The following ZNF761 variants were observed in gnomAD, a reference collection of about 807,000 sequenced individuals.
ZNF761 encodes zinc finger protein 761.
In ZNF761, 43 loss-of-function variants were observed where a neutral mutation model predicts 59.9. The ratio of observed to expected loss-of-function variants is 0.72; its 90% CI spans 0.56 to 0.92. ZNF761 has a LOEUF of 0.92. ZNF761 is among the 40% of genes least tolerant of loss of function. The probability of loss-of-function intolerance (pLI) is 0.00; values close to 1 mark genes in which losing one functional copy is unlikely to be tolerated. For missense variants in ZNF761, 850 were observed against 906.1 expected, an observed-to-expected ratio of 0.94 and a Z score of 0.79; for synonymous variants, 294 against 304.8, an observed-to-expected ratio of 0.96 and a Z score of 0.37.
intron 1 of ZNF761, among the ~76,000 whole-genome samples, chr19:53,438,174 T>G (rs2086062250): frequency 7.0e-6 from 1 of 143,768 alleles, no homozygotes; most frequent in African/African-American, 2.6e-5. Flanking sequence ...GTGTAAGGGT[T>G]TTCACATAGA....
intron 3 of ZNF761, among the ~76,000 whole-genome samples, chr19:53,448,121 C>T (rs1293927000): frequency 6.6e-5 from 10 of 152,184 alleles, no homozygotes; most frequent in Admixed American, 2.0e-4. Flanking sequence ...CCTGCCTCAG[C>T]CTCCCAAGTA....
intron 1 of ZNF761, chr19:53,441,805 T>A (rs1482323954): frequency 4.2e-6 from 5 of 1,192,428 alleles, no homozygotes; most frequent in Non-Finnish European, 6.1e-6. Flanking sequence ...GAGAGGAGTC[T>A]GCAATGCCGA....
chr19:53,436,728 A>T (rs1337479603), intron 1 of ZNF761, among the ~76,000 whole-genome samples: 1 of 152,230 alleles, frequency 6.6e-6, no homozygotes, highest in Non-Finnish European at 1.5e-5. Flanking sequence ...AGGTAGAGCC[A>T]GTCCAAACCT....
At chr19:53,436,597 G>C (rs1212618574) in intron 1 of ZNF761, among the ~76,000 whole-genome samples, 7 of 152,142 alleles carry the variant, frequency 4.6e-5, no homozygotes, top group Non-Finnish European at 1.0e-4. Context: ...CAGTTCATGC[G>C]CTTTACTTTC....
intron 1 of ZNF761, among the ~76,000 whole-genome samples, chr19:53,435,898 A>G (rs1017767397): frequency 2.0e-5 from 3 of 152,182 alleles, no homozygotes; most frequent in Non-Finnish European, 4.4e-5. Context: ...AAGATTTCTA[A>G]CCACATTTAC....
At chr19:53,444,855 T>C (rs2086138665) in intron 1 of ZNF761, 1 of 150,008 alleles carries the variant, frequency 6.7e-6, no homozygotes, top group Admixed American at 6.8e-5. Flanking sequence ...CAAGGGGTTT[T>C]AGGCCCTGGA....
chr19:53,441,756 T>C, intron 1 of ZNF761: 1 of 806,394 alleles, frequency 1.2e-6, no homozygotes, highest in African/African-American at 1.7e-5. Context: ...CTGAGATAAA[T>C]CTTAGTTTTC....
In ZNF761 at chr19:53,435,289, C is replaced by CTTTTTTTT. The variant is rs368157010; in HGVS notation, c.-185+3286_-185+3293dup. Among the ~76,000 whole-genome samples, 132 of 53,618 alleles carry CTTTTTTTT rather than the reference C, an allele frequency of 2.5e-3. 13 individuals carry two copies. The highest frequency in any genetic ancestry group is 6.1e-3 in the African/African-American group (75 of 12,360). The allele number at this position is 53,618 out of a possible 152,430, so 35.2% of individuals were successfully genotyped here. A position where few individuals can be genotyped will look rare whatever the true frequency, so the allele number is the denominator to read the frequency against. ...GGTCGTCTGGCTATAAATACAAGTC[C>CTTTTTTTT]TTTTTTTTTTTTTTTTTTTTTTTTT... On this transcript the variant is annotated intron_variant, in intron 1 of 4. Coordinates refer to ENST00000684525, the MANE Select transcript of ZNF761 (RefSeq NM_001289951.2).
intron 1 of ZNF761, among the ~76,000 whole-genome samples, chr19:53,435,288 C>CACAAGT (rs1568798829): frequency 9.6e-6 from 1 of 104,626 alleles, no homozygotes; most frequent in African/African-American, 4.2e-5. Flanking sequence ...AAATACAAGT[C>CACAAGT]CTTTTTTTTT....
intron 1 of ZNF761, among the ~76,000 whole-genome samples, chr19:53,433,183 T>C (rs1192602662): frequency 1.3e-5 from 2 of 152,116 alleles, no homozygotes; most frequent in Non-Finnish European, 2.9e-5. Context: ...ACCGGCTCAG[T>C]GGATTTACAT....
At chr19:53,442,909 G>A (rs2086115196) in intron 1 of ZNF761, 2 of 380,438 alleles carry the variant, frequency 5.3e-6, no homozygotes, top group Non-Finnish European at 1.0e-5. Context: ...ACTTCTGAAA[G>A]ATGCCTTTGT....
chr19:53,439,303 TTTG>T (rs1184586272), intron 1 of ZNF761, among the ~76,000 whole-genome samples: 13 of 151,578 alleles, frequency 8.6e-5, no homozygotes, highest in African/African-American at 2.9e-4. Flanking sequence ...GGTAGTTGTT[TTTG>T]TTGTTGTTGT....
chr19:53,456,576 A>C lies in ZNF761; in HGVS notation c.2069A>C (p.Tyr690Ser), dbSNP rs555909998. 1 of 1,612,150 alleles carries C rather than the reference A, an allele frequency of 6.2e-7. No homozygotes were observed. The highest frequency in any genetic ancestry group is 1.3e-5 in the African/African-American group (1 of 74,974). Residue 690 changes from tyrosine (Y) to serine (S), a missense_variant, in exon 5 of 5, where the codon TAT (tyrosine) becomes TCT (serine). Physicochemically the swap from Tyr to Ser is moderately radical, Grantham distance 144. Coordinates refer to ENST00000684525, the MANE Select transcript of ZNF761 (RefSeq NM_001289951.2). The part of the protein sequence containing the change: ...HHRLHTGEKP[Y>S]KCNECGKNFS... The stretch of plus-strand genomic sequence containing the variant: ...AGACTTCATACTGGAGAGAAACCTT[A>C]TAAGTGTAATGAGTGTGGCAAGAAC...
intron 1 of ZNF761, among the ~76,000 whole-genome samples, chr19:53,436,193 G>A (rs948628036): frequency 3.9e-5 from 6 of 152,160 alleles, no homozygotes; most frequent in African/African-American, 1.4e-4. Context: ...TAACAGCAGT[G>A]GGAGTGGACA....
chr19:53,441,243 C>G (rs768296099), intron 1 of ZNF761, among the ~76,000 whole-genome samples: 1 of 152,152 alleles, frequency 6.6e-6, no homozygotes, highest in Non-Finnish European at 1.5e-5. Flanking sequence ...AATCCTGCCA[C>G]TGCACTGCAG....
At chr19:53,434,269 C>T (rs1486239891) in intron 1 of ZNF761, among the ~76,000 whole-genome samples, 1 of 152,100 alleles carries the variant, frequency 6.6e-6, no homozygotes, top group Non-Finnish European at 1.5e-5. Context: ...TATGTATTTC[C>T]TTATGTCTAT....
chr19:53,433,668 T>C (rs115666808), intron 1 of ZNF761, among the ~76,000 whole-genome samples: 1,963 of 152,324 alleles, frequency 0.013, 56 homozygotes, highest in African/African-American at 0.045. Context: ...CTGGCTGATA[T>C]TTATATCGGG....
rs1388195093 is a variant in ZNF761 at position 53,457,918 on chromosome 19, A to G, written c.*1170A>G. The G allele has an allele frequency of 6.6e-6, 1 of 152,416 alleles. No individual in the cohort carries two copies. The highest frequency in any genetic ancestry group is 1.5e-5 in the Non-Finnish European group (1 of 68,188). The allele number at this position is 152,416 out of a possible 1,614,324, so 9.4% of individuals were successfully genotyped here. A position where few individuals can be genotyped will look rare whatever the true frequency, so the allele number is the denominator to read the frequency against. On this transcript the variant is annotated 3_prime_UTR_variant, in exon 5 of 5. Coordinates refer to ENST00000684525, the MANE Select transcript of ZNF761 (RefSeq NM_001289951.2). ...TGGGTTATTATATAATCATTTCACA[A>G]TATTAATTTTTCCAAGCTATCAATA...
chr19:53,451,555 G>T (rs2086221817), intron 4 of ZNF761, among the ~76,000 whole-genome samples: 1 of 151,668 alleles, frequency 6.6e-6, no homozygotes, highest in Non-Finnish European at 1.5e-5. Context: ...ATATATCTGT[G>T]GGTTGGAGTT....
Sources: allele counts gnomAD v4.1 joint callset (sites outside exome capture counted in the v4.1 genomes callset), GRCh38; gene constraint gnomAD v4.1.1; transcripts MANE v1.5; gene names NCBI Gene and HGNC (gene_info 2026-07-23, HGNC 2026-07-21).